PALM2AKAP2: variants seen among roughly 807,000 people sequenced by gnomAD.
PALM2AKAP2 encodes PALM2-AKAP2 fusion protein.
Under a neutral mutation model 71.5 loss-of-function variants are expected in PALM2AKAP2, and 37 were observed. The ratio of observed to expected loss-of-function variants is 0.52; its 90% CI spans 0.40 to 0.68. The LOEUF is 0.68. PALM2AKAP2 is among the 30% of genes least tolerant of loss of function. The pLI is 0.00. For synonymous variants in PALM2AKAP2, 468 were observed against 478.8 expected (o/e 0.98, Z 0.29); for missense variants, 1,224 against 1,191.8 (o/e 1.03, Z -0.40).
chr9:109,769,127 A>G (rs1829213080), intron 1 of PALM2AKAP2, among the ~76,000 whole-genome samples: 2 of 150,900 alleles, frequency 1.3e-5, no homozygotes, highest in African/African-American at 4.9e-5. Context: ...TACTGACATT[A>G]GTTTGTTTCT....
intron 7 of PALM2AKAP2, chr9:110,024,996 C>T: frequency 1.5e-6 from 2 of 1,291,478 alleles, no homozygotes; most frequent in Non-Finnish European, 1.1e-6. Flanking sequence ...AACCCAGGTA[C>T]CTTTCTCTTT....
chr9:109,701,058 T>A (rs1316452328), intron 1 of PALM2AKAP2, among the ~76,000 whole-genome samples: 1 of 152,178 alleles, frequency 6.6e-6, no homozygotes, highest in Admixed American at 6.5e-5. Context: ...TATTTTGTAT[T>A]AAGTATTAAA....
rs372417856 is a variant in PALM2AKAP2, at chr9:110,112,349, C to A, written c.157-23778C>A. On this transcript the variant is annotated intron_variant, in intron 1 of 3. Coordinates refer to ENST00000374525, the Ensembl canonical transcript of PALM2AKAP2. Reference sequence around the variant, plus strand: ...GGGCTTGGCTCTCAACTGTGCCCCTCCTTGTTTTGTGTCTTTGGGCAAATT... The same window carrying A: ...GGGCTTGGCTCTCAACTGTGCCCCTACTTGTTTTGTGTCTTTGGGCAAATT... Among the ~76,000 whole-genome samples, 3 of 152,158 alleles carry A rather than the reference C, an allele frequency of 2.0e-5. No individual in the cohort carries two copies. In the East Asian group the frequency reaches 5.8e-4, roughly 29 times the overall value.
intron 1 of PALM2AKAP2, among the ~76,000 whole-genome samples, chr9:109,725,260 T>C (rs1272943214): frequency 2.0e-5 from 3 of 152,200 alleles, no homozygotes; most frequent in Non-Finnish European, 4.4e-5. Flanking sequence ...TACCTTTATT[T>C]CAAATGTTGA....
chr9:109,647,765 G>A (rs2132229747), intron 1 of PALM2AKAP2, among the ~76,000 whole-genome samples: 1 of 152,306 alleles, frequency 6.6e-6, no homozygotes, highest in East Asian at 1.9e-4. Context: ...AGAAGACAGT[G>A]AAAATCACTT....
chr9:109,892,557 T>C (rs1315780439), intron 3 of PALM2AKAP2, among the ~76,000 whole-genome samples: 1 of 152,182 alleles, frequency 6.6e-6, no homozygotes, highest in East Asian at 1.9e-4. Context: ...GCTCAATAAA[T>C]AGTTTTCAAT....
chr9:110,143,793 A>G (rs1026761181), intron 2 of PALM2AKAP2, among the ~76,000 whole-genome samples: 3 of 152,234 alleles, frequency 2.0e-5, no homozygotes, highest in African/African-American at 7.2e-5. Flanking sequence ...GACCTACATT[A>G]TGGAGAGTGG....
chr9:109,675,842 C>A (rs531679009), intron 1 of PALM2AKAP2, among the ~76,000 whole-genome samples: 5 of 152,174 alleles, frequency 3.3e-5, no homozygotes, highest in Admixed American at 3.3e-4. Flanking sequence ...CTAGTCAACA[C>A]TTACCTATGC....
intron 1 of PALM2AKAP2, among the ~76,000 whole-genome samples, chr9:109,768,009 G>GAAAAGAGGGAGAGAGGGAGAA (rs1387659937): frequency 1.7e-4 from 26 of 150,456 alleles, no homozygotes; most frequent in African/African-American, 5.2e-4. Context: ...AGGCAGGTAG[G>GAAAAGAGGGAGAGAGGGAGAA]TAGGAAGAAA....
chr9:109,919,349 G>A (rs1006269422), intron 3 of PALM2AKAP2, among the ~76,000 whole-genome samples: 2 of 149,456 alleles, frequency 1.3e-5, no homozygotes, highest in African/African-American at 5.1e-5. Context: ...TTTGAAAAGG[G>A]AATTTGTTGT....
At chr9:109,840,116 A>G (rs1201319819) in intron 1 of PALM2AKAP2, among the ~76,000 whole-genome samples, 1 of 152,220 alleles carries the variant, frequency 6.6e-6, no homozygotes, top group Non-Finnish European at 1.5e-5. Context: ...TTCAAACTAT[A>G]CTACAAGGCT....
At chr9:110,156,569 C>A in intron 3 of PALM2AKAP2, 72 bp downstream of exon 9, 1 of 1,484,964 alleles carries the variant, frequency 6.7e-7, no homozygotes, top group South Asian at 1.5e-5. Flanking sequence ...CATTCCAGTT[C>A]AGGCACAAAT....
chr9:109,718,824 C>T (rs1395595803), intron 1 of PALM2AKAP2, among the ~76,000 whole-genome samples: 1 of 152,208 alleles, frequency 6.6e-6, no homozygotes, highest in African/African-American at 2.4e-5. Context: ...GAACTTTCCA[C>T]CCTTGGCTTT....
intron 2 of PALM2AKAP2, among the ~76,000 whole-genome samples, chr9:110,149,798 T>A (rs1338495101): frequency 2.0e-5 from 3 of 152,192 alleles, no homozygotes; most frequent in Admixed American, 1.3e-4. Flanking sequence ...TAATAATTTT[T>A]AAAAATACAC....
chr9:109,990,204 TG>T (rs34417156), intron 6 of PALM2AKAP2, among the ~76,000 whole-genome samples: 5,246 of 151,920 alleles, frequency 0.035, 132 homozygotes, highest in Non-Finnish European at 0.052. Context: ...CCCACGTAAC[TG>T]GGGTTATAGA....
At chr9:109,811,447 A>C (rs1022611433) in intron 1 of PALM2AKAP2, among the ~76,000 whole-genome samples, 1 of 152,202 alleles carries the variant, frequency 6.6e-6, no homozygotes, top group Admixed American at 6.5e-5. Context: ...CTTATTATAA[A>C]TTCAATCACA....
At chr9:109,712,218 CAGGGTAGTTAAATAA>C (rs1828253787) in intron 1 of PALM2AKAP2, among the ~76,000 whole-genome samples, 1 of 152,118 alleles carries the variant, frequency 6.6e-6, no homozygotes, top group Non-Finnish European at 1.5e-5. Flanking sequence ...TCATTGCTTA[CAGGGTAGTTAAATAA>C]AGATGTTAAA....
chr9:109,780,207 C>T, upstream of PALM2AKAP2: 1 of 942,716 alleles, frequency 1.1e-6, no homozygotes, highest in Non-Finnish European at 1.3e-6. Flanking sequence ...CGTCCCACGT[C>T]CTCGGCTGGC....
intron 1 of PALM2AKAP2, among the ~76,000 whole-genome samples, chr9:109,785,797 C>T (rs543485880): frequency 5.3e-5 from 8 of 152,314 alleles, no homozygotes; most frequent in East Asian, 1.9e-4. Context: ...ACAGCAAAAC[C>T]GTATCACTTG....
Sources: gnomAD v4.1 joint callset for allele counts (sites outside exome capture counted in the v4.1 genomes callset) on GRCh38, gnomAD v4.1.1 for gene constraint, MANE v1.5 for transcripts, NCBI Gene and HGNC (gene_info 2026-07-23, HGNC 2026-07-21) for gene names.